The following PRMT3 variants were observed in gnomAD, a reference collection of about 807,000 sequenced individuals.
PRMT3 encodes the protein protein arginine methyltransferase 3.
In PRMT3, 62 loss-of-function variants were observed where a neutral mutation model predicts 71.9. The ratio of observed to expected loss-of-function variants is 0.86; its 90% CI spans 0.70 to 1.07. The LOEUF (loss-of-function observed/expected upper bound fraction) is 1.07. Among genes scored for constraint, PRMT3 ranks in the 50% least tolerant of loss-of-function variants. PRMT3 has a pLI of 0.00. For synonymous variants in PRMT3, 213 were observed against 220.4 expected, an observed-to-expected ratio of 0.97 and a Z score of 0.30; for missense variants, 663 against 643.0, an observed-to-expected ratio of 1.03 and a Z score of -0.34.
At chr11:20,500,898 A>G (rs373624296) in intron 15 of PRMT3, among the ~76,000 whole-genome samples, 3 of 152,178 alleles carry the variant, frequency 2.0e-5, no homozygotes, top group South Asian at 2.1e-4. Context: ...TGGACAGTCA[A>G]TATCTTCAGG....
At chr11:20,390,341 G>T (rs1848686065) in intron 3 of PRMT3, among the ~76,000 whole-genome samples, 1 of 152,114 alleles carries the variant, frequency 6.6e-6, no homozygotes, top group African/African-American at 2.4e-5. Context: ...GCTTATATTA[G>T]CTTTTCAACT....
At chr11:20,434,119 AATG>A (rs1421444605) in intron 10 of PRMT3, among the ~76,000 whole-genome samples, 1 of 152,152 alleles carries the variant, frequency 6.6e-6, no homozygotes, top group African/African-American at 2.4e-5. Flanking sequence ...TCATTTCTCT[AATG>A]ATCAGTGATA....
intron 9 of PRMT3, among the ~76,000 whole-genome samples, chr11:20,416,732 A>T (rs7482946): frequency 2.6e-5 from 4 of 152,012 alleles, no homozygotes; most frequent in Non-Finnish European, 5.9e-5. Flanking sequence ...ACAGCTACAC[A>T]TTTGTAAATA....
chr11:20,442,864 T>C (rs1849940364), intron 10 of PRMT3, among the ~76,000 whole-genome samples: 1 of 152,230 alleles, frequency 6.6e-6, no homozygotes, highest in Admixed American at 6.5e-5. Flanking sequence ...ATATGTGTAA[T>C]GTCATTTTAT....
At chr11:20,476,371 C>T (rs1232077980) in intron 13 of PRMT3, among the ~76,000 whole-genome samples, 1 of 152,062 alleles carries the variant, frequency 6.6e-6, no homozygotes, top group Non-Finnish European at 1.5e-5. Context: ...AACATATTCT[C>T]TGCCCTGGAA....
chr11:20,463,372 T>A (rs1850432183), intron 12 of PRMT3, among the ~76,000 whole-genome samples: 1 of 151,810 alleles, frequency 6.6e-6, no homozygotes, highest in Admixed American at 6.6e-5. Flanking sequence ...GAATAAAGAG[T>A]TTATTTGGGC....
intron 3 of PRMT3, 145 bp from the exon 4 acceptor site, chr11:20,392,066 T>C: frequency 4.3e-6 from 3 of 701,542 alleles, no homozygotes; most frequent in Non-Finnish European, 6.8e-6. Context: ...TTACTACTTC[T>C]AATTCTTAAT....
chr11:20,404,727 A>C (rs1849034724), intron 8 of PRMT3, among the ~76,000 whole-genome samples: 1 of 152,210 alleles, frequency 6.6e-6, no homozygotes, highest in African/African-American at 2.4e-5. Context: ...AGAATCACTA[A>C]TCCTGGCTAG....
chr11:20,454,003 A>G (rs534316401), intron 11 of PRMT3, among the ~76,000 whole-genome samples: 128 of 152,266 alleles, frequency 8.4e-4, no homozygotes, highest in African/African-American at 2.9e-3. Context: ...TGACTTAAAA[A>G]CAACATTATA....
At chr11:20,459,786 G>A (rs989119530) in intron 11 of PRMT3, among the ~76,000 whole-genome samples, 1 of 152,120 alleles carries the variant, frequency 6.6e-6, no homozygotes, top group Non-Finnish European at 1.5e-5. Context: ...TAAGGATGTG[G>A]TTCAACAAAC....
chr11:20,483,450 T>C (rs954159755), intron 13 of PRMT3, among the ~76,000 whole-genome samples: 5 of 151,296 alleles, frequency 3.3e-5, no homozygotes, highest in African/African-American at 1.2e-4. Flanking sequence ...GAAACAGTAA[T>C]CATTGATATC....
At chr11:20,422,372 A>G (rs906992570) in intron 9 of PRMT3, among the ~76,000 whole-genome samples, 2 of 152,108 alleles carry the variant, frequency 1.3e-5, no homozygotes, top group African/African-American at 4.8e-5. Context: ...GTGACAACTC[A>G]TAGTTTTAAG....
chr11:20,438,957 G>T (rs950113731), intron 10 of PRMT3, among the ~76,000 whole-genome samples: 1 of 152,150 alleles, frequency 6.6e-6, no homozygotes. Context: ...TTGACCCTAC[G>T]TGTAAGGGTG....
intron 13 of PRMT3, among the ~76,000 whole-genome samples, chr11:20,493,263 A>C (rs897966151): frequency 1.3e-5 from 2 of 152,246 alleles, no homozygotes; most frequent in Non-Finnish European, 2.9e-5. Flanking sequence ...AAAAATAAGT[A>C]ACATTTTAAA....
intron 10 of PRMT3, among the ~76,000 whole-genome samples, chr11:20,451,319 C>T (rs1850142901): frequency 6.6e-6 from 1 of 151,764 alleles, no homozygotes; most frequent in African/African-American, 2.4e-5. Context: ...AAAAAAAGGT[C>T]TGTAGTCAGA....
In PRMT3 at chr11:20,388,066, G is replaced by A. The variant is rs759804415; in HGVS notation, c.76G>A (p.Asp26Asn). Reference protein sequence around the residue: ...ENEEDLPELSDSGDEAAWEDE... With the variant: ...ENEEDLPELSNSGDEAAWEDE... ...TGAGGAGGACCTGCCAGAACTGTCG[G>A]ACAGCGGGGACGAGGCCGCCTGGGA... Residue 26 changes from aspartate (D) to asparagine (N), a missense_variant, in exon 2 of 16, where the codon GAC becomes AAC. Physicochemically the swap from Asp to Asn is conservative, Grantham distance 23. Transcript: ENST00000331079. 2 of 1,613,962 alleles carry A rather than the reference G, an allele frequency of 1.2e-6. No individual in the cohort carries two copies. Among genetic ancestry groups the A allele is most frequent in the Non-Finnish European group, 1.7e-6 (2 of 1,180,006 alleles).
chr11:20,400,816 T>C (rs1429377407), intron 7 of PRMT3, among the ~76,000 whole-genome samples: 1 of 152,140 alleles, frequency 6.6e-6, no homozygotes, highest in Non-Finnish European at 1.5e-5. Context: ...AATTTTGTTA[T>C]TTTATTTTTC....
chr11:20,492,754 ATTTC>A (rs1173648577), intron 13 of PRMT3, among the ~76,000 whole-genome samples: 1 of 152,168 alleles, frequency 6.6e-6, no homozygotes, highest in African/African-American at 2.4e-5. Context: ...GAGTATGTTA[ATTTC>A]TTTAAGAGAT....
intron 15 of PRMT3, among the ~76,000 whole-genome samples, chr11:20,496,542 CA>C (rs1307739844): frequency 6.8e-6 from 1 of 146,570 alleles, no homozygotes; most frequent in African/African-American, 2.5e-5. Flanking sequence ...ATATCTAATA[CA>C]AGTATGAAAC....
Sources: allele counts gnomAD v4.1 joint callset (sites outside exome capture counted in the v4.1 genomes callset), GRCh38; gene constraint gnomAD v4.1.1; transcripts MANE v1.5; gene names NCBI Gene and HGNC (gene_info 2026-07-23, HGNC 2026-07-21).